ATP6V0A4: variants seen among roughly 807,000 people sequenced by gnomAD.
ATP6V0A4 encodes the protein ATPase H+ transporting V0 subunit a4, also known as V-type proton ATPase 116 kDa subunit a 4.
In ATP6V0A4, 86 loss-of-function variants were observed where a neutral mutation model predicts 107.3. That is an observed-to-expected ratio of 0.80 (90% CI 0.67 to 0.96). The LOEUF (loss-of-function observed/expected upper bound fraction) is 0.96. Ranked by LOEUF, ATP6V0A4 falls within the 40% of genes least tolerant of loss-of-function variation. The pLI, the probability that ATP6V0A4 is intolerant of heterozygous loss-of-function variation, is 0.00. For synonymous variants in ATP6V0A4, 353 were observed against 381.4 expected (o/e 0.93, Z 0.87); for missense variants, 908 against 1,045.6 (o/e 0.87, Z 1.81).
At chr7:138,762,813 C>T (rs1427511948) in intron 6 of ATP6V0A4, 87 bp downstream of exon 6, 2 of 1,452,024 alleles carry the variant, frequency 1.4e-6, no homozygotes, top group African/African-American at 1.4e-5. Context: ...GAGTGATTTA[C>T]TCAGATCCCA....
chr7:138,746,591 C>T (rs964063094), intron 13 of ATP6V0A4, among the ~76,000 whole-genome samples: 4 of 152,030 alleles, frequency 2.6e-5, no homozygotes, highest in African/African-American at 9.7e-5. Flanking sequence ...GCAACCTCCA[C>T]CTCCCGGGTT....
intron 1 of ATP6V0A4, among the ~76,000 whole-genome samples, chr7:138,788,206 C>T (rs895186196): frequency 6.6e-6 from 1 of 152,080 alleles, no homozygotes; most frequent in African/African-American, 2.4e-5. Context: ...CAGCTTATTT[C>T]CAAAAACTTT....
At chr7:138,782,096 A>C (rs1432556612) in intron 2 of ATP6V0A4, among the ~76,000 whole-genome samples, 1 of 152,198 alleles carries the variant, frequency 6.6e-6, no homozygotes, top group Non-Finnish European at 1.5e-5. Flanking sequence ...AGAGTGCCAT[A>C]AACTGGGTGG....
At chr7:138,744,849 C>T (rs1005863305) in intron 14 of ATP6V0A4, among the ~76,000 whole-genome samples, 1 of 152,012 alleles carries the variant, frequency 6.6e-6, no homozygotes, top group Non-Finnish European at 1.5e-5. Context: ...ATTCCAGGCA[C>T]CTGCCACCAC....
intron 20 of ATP6V0A4, among the ~76,000 whole-genome samples, chr7:138,715,105 A>T (rs1403360057): frequency 6.6e-6 from 1 of 152,208 alleles, no homozygotes; most frequent in Non-Finnish European, 1.5e-5. Context: ...AACAAATTCT[A>T]CCTGCAGCCT....
chr7:138,796,684 G>T (rs537356605), intron 1 of ATP6V0A4, among the ~76,000 whole-genome samples: 1 of 128,314 alleles, frequency 7.8e-6, no homozygotes, highest in African/African-American at 2.8e-5. Context: ...TACCTCTCAG[G>T]CAGAGTTCAT....
At chr7:138,718,043 A>AATGGGGGGGGGGCAGTCACGG (rs71169047) in intron 19 of ATP6V0A4, among the ~76,000 whole-genome samples, 1 of 84,292 alleles carries the variant, frequency 1.2e-5, no homozygotes, top group Non-Finnish European at 2.5e-5. Flanking sequence ...TCCAGGAAGG[A>AATGGGGGGGGGGCAGTCACGG]GTGGGGGGGT....
intron 18 of ATP6V0A4, 65 bp downstream of exon 18, chr7:138,728,696 A>G (rs935967885): frequency 6.2e-7 from 1 of 1,606,626 alleles, no homozygotes; most frequent in Non-Finnish European, 8.5e-7. Context: ...TAAACCCAAG[A>G]TTCATCTTTC....
chr7:138,719,010 C>T (rs1226633592), intron 19 of ATP6V0A4, among the ~76,000 whole-genome samples: 1 of 151,838 alleles, frequency 6.6e-6, no homozygotes, highest in Non-Finnish European at 1.5e-5. Context: ...CAAAGTGAGA[C>T]CCCATCTTTA....
intron 13 of ATP6V0A4, among the ~76,000 whole-genome samples, chr7:138,745,553 T>C (rs1211465628): frequency 6.6e-6 from 1 of 151,014 alleles, no homozygotes; most frequent in African/African-American, 2.4e-5. Context: ...GGTGCATGCC[T>C]GTAATCCCAG....
intron 15 of ATP6V0A4, among the ~76,000 whole-genome samples, chr7:138,737,323 A>C (rs1418894991): frequency 6.6e-6 from 1 of 150,844 alleles, no homozygotes; most frequent in Non-Finnish European, 1.5e-5. Context: ...TGGTTTTATA[A>C]GGGGAAACCC....
intron 10 of ATP6V0A4, among the ~76,000 whole-genome samples, chr7:138,754,239 G>A (rs1188432645): frequency 3.9e-5 from 6 of 151,922 alleles, no homozygotes; most frequent in African/African-American, 1.5e-4. Context: ...ACCTGAGGTC[G>A]GGAGTTCGAG....
intron 20 of ATP6V0A4, among the ~76,000 whole-genome samples, chr7:138,713,779 G>A (rs973987021): frequency 1.3e-5 from 2 of 151,996 alleles, no homozygotes; most frequent in Admixed American, 6.6e-5. Flanking sequence ...ACACACAGAG[G>A]GGCCCAGGGA....
intron 11 of ATP6V0A4, among the ~76,000 whole-genome samples, chr7:138,749,887 G>A (rs1806140144): frequency 6.6e-6 from 1 of 152,046 alleles, no homozygotes; most frequent in Non-Finnish European, 1.5e-5. Flanking sequence ...CGATCACCCA[G>A]CAAAGCTTGC....
chr7:138,761,462 G>A (rs1403345382), intron 7 of ATP6V0A4, among the ~76,000 whole-genome samples: 4 of 151,870 alleles, frequency 2.6e-5, no homozygotes, highest in Non-Finnish European at 2.9e-5. Context: ...GTGAAACCCC[G>A]TCTCTACCAA....
chr7:138,723,263 T>C (rs1024992168), intron 18 of ATP6V0A4, among the ~76,000 whole-genome samples: 3 of 152,060 alleles, frequency 2.0e-5, no homozygotes, highest in African/African-American at 7.2e-5. Context: ...GAAATACACA[T>C]GGTCATAAAT....
intron 21 of ATP6V0A4, among the ~76,000 whole-genome samples, chr7:138,709,035 C>T (rs186682850): frequency 5.3e-5 from 8 of 152,108 alleles, no homozygotes; most frequent in Non-Finnish European, 1.0e-4. Context: ...ATGGGGAAAC[C>T]CCGTCTCTGC....
At chr7:138,744,314 T>C (rs1229160484) in intron 14 of ATP6V0A4, among the ~76,000 whole-genome samples, 4 of 145,920 alleles carry the variant, frequency 2.7e-5, no homozygotes, top group Non-Finnish European at 6.0e-5. Context: ...CTCGGCTCGC[T>C]GCAACCTCCA....
At chr7:138,777,931 C>A (rs114588636) in intron 2 of ATP6V0A4, among the ~76,000 whole-genome samples, 1 of 152,130 alleles carries the variant, frequency 6.6e-6, no homozygotes, top group African/African-American at 2.4e-5. Context: ...TCCCAAACTC[C>A]GAGCACCAAC....
Sources: gnomAD v4.1 joint callset for allele counts (sites outside exome capture counted in the v4.1 genomes callset) on GRCh38, gnomAD v4.1.1 for gene constraint, MANE v1.5 for transcripts, NCBI Gene and HGNC (gene_info 2026-07-23, HGNC 2026-07-21) for gene names.